The following CRIM1 variants were observed in gnomAD, a reference collection of about 807,000 sequenced individuals.
CRIM1 encodes cysteine rich transmembrane BMP regulator 1, also known as cysteine-rich motor neuron 1 protein.
In CRIM1, 32 loss-of-function variants were observed where a neutral mutation model predicts 116.4. The ratio of observed to expected loss-of-function variants is 0.27; its 90% confidence interval spans 0.21 to 0.37. The LOEUF is 0.37. Among genes scored for constraint, CRIM1 ranks in the 10% least tolerant of loss-of-function variants. The probability of loss-of-function intolerance (pLI) is 1.00; values close to 1 mark genes in which losing one functional copy is unlikely to be tolerated. For synonymous variants in CRIM1, 590 were observed against 509.2 expected, an observed-to-expected ratio of 1.16 and a Z score of -2.13; for missense variants, 1,331 against 1,354.8, an observed-to-expected ratio of 0.98 and a Z score of 0.28.
chr2:36,547,490 C>T (rs1224808630), intron 16 of CRIM1, among the ~76,000 whole-genome samples: 2 of 152,082 alleles, frequency 1.3e-5, no homozygotes, highest in African/African-American at 4.8e-5. Context: ...TTATATTAGA[C>T]ATTAAAACGT....
At position 36,526,901 on chromosome 2, in the gene CRIM1, G is replaced by C. The variant is rs188680777; in HGVS notation, c.2428+4588G>C. 3.2e-4 allele frequency among the ~76,000 whole-genome samples: 49 copies of C among 152,344 alleles called. 1 individual carries two copies. In the East Asian group the frequency reaches 7.3e-3, roughly 23 times the overall value. ...TCAAGATGCTCAGGTATGTCCCCCA[G>C]TTAAGCCACTCTAGGTGATCAGGAC... On this transcript the variant is annotated intron_variant, in intron 13 of 16. Coordinates refer to ENST00000280527, the MANE Select transcript of CRIM1 (RefSeq NM_016441.3).
intron 11 of CRIM1, among the ~76,000 whole-genome samples, 183 bp from the exon 12 acceptor site, chr2:36,517,144 C>G (rs1665083682): frequency 6.6e-6 from 1 of 152,204 alleles, no homozygotes; most frequent in African/African-American, 2.4e-5. Flanking sequence ...AATATTAGCT[C>G]TTTTGCCATT....
At chr2:36,513,277 T>C (rs1438745490) in intron 10 of CRIM1, 7 of 388,498 alleles carry the variant, frequency 1.8e-5, no homozygotes, top group Non-Finnish European at 3.3e-5. Flanking sequence ...TGCTTGTTTA[T>C]TGTATAAAAT....
chr2:36,388,263 C>G (rs1305756378), intron 1 of CRIM1, among the ~76,000 whole-genome samples: 1 of 152,096 alleles, frequency 6.6e-6, no homozygotes, highest in Non-Finnish European at 1.5e-5. Context: ...AATGGAGATA[C>G]TGGAAAGGTC....
chr2:36,447,552 A>G (rs891067174), intron 4 of CRIM1, among the ~76,000 whole-genome samples: 9 of 152,152 alleles, frequency 5.9e-5, no homozygotes, highest in Admixed American at 4.6e-4. Flanking sequence ...CTCAGCTGGG[A>G]TGGCTGGAAA....
chr2:36,541,455 G>A (rs1405232069), intron 14 of CRIM1, among the ~76,000 whole-genome samples: 1 of 152,176 alleles, frequency 6.6e-6, no homozygotes, highest in Non-Finnish European at 1.5e-5. Flanking sequence ...GCTCAGGAAA[G>A]GTAAGAGGGT....
At chr2:36,419,441 A>G (rs1021325825) in intron 2 of CRIM1, among the ~76,000 whole-genome samples, 35 of 152,340 alleles carry the variant, frequency 2.3e-4, no homozygotes, top group African/African-American at 8.4e-4. Context: ...AGCACATTTT[A>G]TTGCCGCTTG....
At chr2:36,413,643 A>G (rs1354859040) in intron 2 of CRIM1, among the ~76,000 whole-genome samples, 2 of 152,228 alleles carry the variant, frequency 1.3e-5, no homozygotes, top group African/African-American at 4.8e-5. Flanking sequence ...CGTGCGTATC[A>G]ATGGATATGT....
intron 4 of CRIM1, among the ~76,000 whole-genome samples, chr2:36,463,590 G>A (rs1003696002): frequency 3.3e-5 from 5 of 152,078 alleles, no homozygotes; most frequent in Non-Finnish European, 5.9e-5. Context: ...GAAATCTAGC[G>A]GCTCTTTCCT....
intron 4 of CRIM1, among the ~76,000 whole-genome samples, chr2:36,456,938 G>A (rs59712875): frequency 7.3e-4 from 111 of 151,758 alleles, no homozygotes; most frequent in African/African-American, 2.4e-3. Flanking sequence ...GAAGATAATT[G>A]TTAAATTCTT....
intron 2 of CRIM1, among the ~76,000 whole-genome samples, chr2:36,429,608 C>T (rs925666306): frequency 1.3e-5 from 2 of 152,152 alleles, no homozygotes; most frequent in African/African-American, 4.8e-5. Flanking sequence ...GAGAAAGCAG[C>T]TGTTTTTAGG....
rs529333413 is a variant in CRIM1, at chr2:36,365,892, C to G, written c.331+9269C>G. On this transcript the variant is annotated intron_variant, in intron 1 of 16. Transcript: ENST00000280527. ...GGGATTACAGGCATGTGCCACCACG[C>G]CCAACTACTTTGTGTATTTTTAGTG... Among the ~76,000 whole-genome samples, 22 of 152,228 alleles carry G rather than the reference C, an allele frequency of 1.4e-4. No individual in the cohort carries two copies. The South Asian group carries it at 4.1e-3, about 29-fold the overall frequency.
intron 1 of CRIM1, among the ~76,000 whole-genome samples, chr2:36,394,608 G>C (rs1296414285): frequency 1.3e-5 from 2 of 151,472 alleles, no homozygotes; most frequent in African/African-American, 4.8e-5. Flanking sequence ...GCTTCTCTCT[G>C]TCTATATATA....
At chr2:36,538,950 G>A (rs968242407) in intron 14 of CRIM1, among the ~76,000 whole-genome samples, 6 of 152,262 alleles carry the variant, frequency 3.9e-5, no homozygotes, top group South Asian at 2.1e-4. Flanking sequence ...TTTATTTCAC[G>A]AAGAGTCATT....
intron 2 of CRIM1, among the ~76,000 whole-genome samples, chr2:36,406,634 A>C (rs1317570082): frequency 5.9e-3 from 382 of 64,896 alleles, no homozygotes; most frequent in Non-Finnish European, 9.0e-3. Flanking sequence ...CCCCCCCCCC[A>C]AAAAAAAACA....
intron 2 of CRIM1, among the ~76,000 whole-genome samples, chr2:36,402,069 G>A (rs3770929): frequency 0.42 from 64,570 of 152,024 alleles, 13,704 homozygotes; most frequent in South Asian, 0.51. Flanking sequence ...AAGGTCCATG[G>A]GGAGCCTGGG....
At chr2:36,387,364 T>G (rs986668509) in intron 1 of CRIM1, among the ~76,000 whole-genome samples, 1 of 152,238 alleles carries the variant, frequency 6.6e-6, no homozygotes, top group Non-Finnish European at 1.5e-5. Context: ...GTATGTTTGA[T>G]AACTGAAAAT....
intron 2 of CRIM1, among the ~76,000 whole-genome samples, chr2:36,437,142 G>A (rs1285741205): frequency 2.0e-5 from 3 of 152,322 alleles, no homozygotes; most frequent in Middle Eastern, 3.4e-3. Context: ...TTGGGAGGCC[G>A]AGGCGGGCAG....
intron 1 of CRIM1, among the ~76,000 whole-genome samples, chr2:36,373,541 G>A (rs1417467338): frequency 1.3e-5 from 2 of 152,200 alleles, no homozygotes; most frequent in African/African-American, 4.8e-5. Flanking sequence ...GGCACTTGGG[G>A]AGAAAAGGTC....
Sources: allele counts gnomAD v4.1 joint callset (sites outside exome capture counted in the v4.1 genomes callset), GRCh38; gene constraint gnomAD v4.1.1; transcripts MANE v1.5; gene names NCBI Gene and HGNC (gene_info 2026-07-23, HGNC 2026-07-21).